The following CCSER1 variants were observed in gnomAD, a reference collection of about 807,000 sequenced individuals.
The protein encoded by CCSER1 is serine-rich coiled-coil domain-containing protein 1.
Under a neutral mutation model 82.0 loss-of-function variants are expected in CCSER1, and 41 were observed. That is an observed-to-expected ratio of 0.50 (90% CI 0.39 to 0.65). The LOEUF (loss-of-function observed/expected upper bound fraction) is 0.65, where lower values mean the gene tolerates loss of function less well. CCSER1 is among the 30% of genes least tolerant of loss of function. The probability of loss-of-function intolerance (pLI) is 0.00; values close to 1 mark genes in which losing one functional copy is unlikely to be tolerated. For synonymous variants in CCSER1, 414 were observed against 383.9 expected, an observed-to-expected ratio of 1.08 and a Z score of -0.92; for missense variants, 1,119 against 1,064.2, an observed-to-expected ratio of 1.05 and a Z score of -0.72.
At chr4:91,222,969 T>C (rs1377208561) in intron 10 of CCSER1, among the ~76,000 whole-genome samples, 2 of 152,158 alleles carry the variant, frequency 1.3e-5, no homozygotes, top group Non-Finnish European at 2.9e-5. Context: ...ATCACAACTA[T>C]CTCTTATTTT....
intron 9 of CCSER1, among the ~76,000 whole-genome samples, chr4:91,001,475 T>G (rs1391831528): frequency 1.3e-5 from 2 of 152,124 alleles, no homozygotes; most frequent in Admixed American, 1.3e-4. Flanking sequence ...TAGTTTCATA[T>G]AGAATATTCT....
chr4:91,276,138 C>T (rs1296000093), intron 10 of CCSER1, among the ~76,000 whole-genome samples: 1 of 151,736 alleles, frequency 6.6e-6, no homozygotes, highest in Non-Finnish European at 1.5e-5. Flanking sequence ...CTTGTCTATT[C>T]CAGCTCTTTT....
chr4:90,556,350 A>G (rs1427926340), intron 5 of CCSER1, among the ~76,000 whole-genome samples: 1 of 152,156 alleles, frequency 6.6e-6, no homozygotes, highest in Non-Finnish European at 1.5e-5. Context: ...AACAAGACCA[A>G]TGCAAATATG....
At chr4:91,159,604 T>G (rs111807981) in intron 10 of CCSER1, among the ~76,000 whole-genome samples, 7 of 151,926 alleles carry the variant, frequency 4.6e-5, no homozygotes, top group African/African-American at 1.7e-4. Context: ...CCCATTAATA[T>G]TATTTTCTAA....
In CCSER1 at chr4:91,240,334, C is replaced by T. The variant is rs1170682116; in HGVS notation, c.2217+154340C>T. ...CACGTGATCCCCCCCACCTCAGCCT[C>T]CCAAAGTGCTGGTATTACAAGCGTG... On this transcript the variant is annotated intron_variant, in intron 10 of 10. Transcript: ENST00000509176. Among the ~76,000 whole-genome samples the T allele has an allele frequency of 1.1e-4, 7 of 61,540 alleles. 3 individuals carry two copies. Among genetic ancestry groups the T allele is most frequent in the African/African-American group, 5.8e-4 (6 of 10,402 alleles). The allele number at this position is 61,540 out of a possible 152,430, so 40.4% of individuals were successfully genotyped here. A position where few individuals can be genotyped will look rare whatever the true frequency, so the allele number is the denominator to read the frequency against.
intron 10 of CCSER1, among the ~76,000 whole-genome samples, chr4:91,308,492 C>T (rs1745229782): frequency 1.3e-5 from 2 of 151,950 alleles, no homozygotes; most frequent in African/African-American, 2.4e-5. Flanking sequence ...TCTGGGCCTA[C>T]TAGGAACTCA....
rs1426415901 is a variant in CCSER1, at chr4:90,436,122, A to T, written c.1604-32112A>T. ...TGACACAGATAAAAATTAAACTTGAATTAAAGCACATAACAGAAAAAATAA... is the reference window on the plus strand; with the variant it reads ...TGACACAGATAAAAATTAAACTTGATTTAAAGCACATAACAGAAAAAATAA... On this transcript the variant is annotated intron_variant, in intron 4 of 10. Coordinates refer to ENST00000509176, the MANE Select transcript of CCSER1 (RefSeq NM_001145065.2). Among the ~76,000 whole-genome samples, 3 of 152,136 alleles carry T rather than the reference A, an allele frequency of 2.0e-5. No individual in the cohort carries two copies. The East Asian group carries it at 5.8e-4, about 29-fold the overall frequency.
chr4:91,133,822 C>T (rs2870298), intron 10 of CCSER1, among the ~76,000 whole-genome samples: 79,424 of 151,982 alleles, frequency 0.52, 20,926 homozygotes, highest in East Asian at 0.69. Context: ...TAGTGCTTGC[C>T]GGGCATGCTG....
At chr4:90,470,779 AAAC>A (rs1764281473) in intron 5 of CCSER1, among the ~76,000 whole-genome samples, 2 of 150,852 alleles carry the variant, frequency 1.3e-5, no homozygotes, top group African/African-American at 4.9e-5. Flanking sequence ...AAAAAAAAAA[AAAC>A]AAAACACCCA....
chr4:90,410,766 A>T (rs1343970462), intron 4 of CCSER1, among the ~76,000 whole-genome samples: 1 of 152,204 alleles, frequency 6.6e-6, no homozygotes, highest in Non-Finnish European at 1.5e-5. Flanking sequence ...GCAAGAAATA[A>T]CTAAGATCAG....
Position 91,173,776 on chromosome 4 carries a change from A to G in CCSER1, c.2217+87782A>G, listed in dbSNP as rs183763595. Reference sequence around the variant, plus strand: ...GAGGCTACCTCTACTTTAACTTTTTATTTTGTTTCTTCACTAAAAAAGGAT... The same window carrying G: ...GAGGCTACCTCTACTTTAACTTTTTGTTTTGTTTCTTCACTAAAAAAGGAT... On this transcript the variant is annotated intron_variant, in intron 10 of 10. Coordinates refer to ENST00000509176, the MANE Select transcript of CCSER1 (RefSeq NM_001145065.2). Among the ~76,000 whole-genome samples the G allele has an allele frequency of 2.1e-3, 322 of 152,214 alleles. 5 individuals carry two copies. The highest frequency in any genetic ancestry group is 0.018 in the Admixed American group (273 of 15,280).
At chr4:91,122,766 T>A (rs533488141) in intron 10 of CCSER1, among the ~76,000 whole-genome samples, 1 of 151,818 alleles carries the variant, frequency 6.6e-6, no homozygotes, top group Non-Finnish European at 1.5e-5. Flanking sequence ...GTTAGGAAAA[T>A]GAGCCTATAC....
At chr4:90,945,326 G>T (rs1290683560) in intron 9 of CCSER1, among the ~76,000 whole-genome samples, 2 of 151,958 alleles carry the variant, frequency 1.3e-5, no homozygotes, top group Non-Finnish European at 1.5e-5. Context: ...AGCCCTGATA[G>T]AATAATAACA....
chr4:91,363,355 TTTTGTG>T (rs143600780), intron 10 of CCSER1, among the ~76,000 whole-genome samples: 1 of 10,600 alleles, frequency 9.4e-5, no homozygotes, highest in Non-Finnish European at 1.9e-4. Flanking sequence ...GATGGAGATA[TTTTGTG>T]TGTGTGTGTG....
intron 3 of CCSER1, among the ~76,000 whole-genome samples, chr4:90,318,155 T>A (rs994287110): frequency 6.6e-6 from 1 of 152,194 alleles, no homozygotes. Context: ...GATGAAAACA[T>A]CTCTGTAACT....
chr4:91,116,742 T>C (rs1003406505), intron 10 of CCSER1, among the ~76,000 whole-genome samples: 4 of 152,194 alleles, frequency 2.6e-5, no homozygotes, highest in African/African-American at 4.8e-5. Flanking sequence ...GGCTGCCTTG[T>C]TTGGTCTCCA....
At chr4:90,838,205 A>G (rs1372107424) in intron 8 of CCSER1, among the ~76,000 whole-genome samples, 1 of 151,652 alleles carries the variant, frequency 6.6e-6, no homozygotes, top group African/African-American at 2.4e-5. Context: ...CTTTTAAAAT[A>G]TAAGAATATG....
At chr4:91,037,113 T>C (rs948023079) in intron 9 of CCSER1, among the ~76,000 whole-genome samples, 31 of 151,930 alleles carry the variant, frequency 2.0e-4, no homozygotes, top group Non-Finnish European at 4.4e-5. Flanking sequence ...AGTTGGAAAA[T>C]AAACTGATGC....
chr4:91,209,588 T>G (rs935485432), intron 10 of CCSER1, among the ~76,000 whole-genome samples: 2 of 151,984 alleles, frequency 1.3e-5, no homozygotes, highest in Non-Finnish European at 2.9e-5. Flanking sequence ...GATTAGCTTT[T>G]TGATGTGCAG....
Sources: gnomAD v4.1 joint callset for allele counts (sites outside exome capture counted in the v4.1 genomes callset) on GRCh38, gnomAD v4.1.1 for gene constraint, MANE v1.5 for transcripts, NCBI Gene and HGNC (gene_info 2026-07-23, HGNC 2026-07-21) for gene names.